Variants in DLGAP1 observed in about 807,000 individuals in gnomAD.
The protein encoded by DLGAP1 is disks large-associated protein 1.
DLGAP1 carries 11 observed loss-of-function variants against 90.8 expected under a neutral mutation model. The observed-to-expected ratio is 0.12, with a 90% CI of 0.08 to 0.20. The LOEUF is 0.20. Among genes scored for constraint, DLGAP1 ranks in the 10% least tolerant of loss-of-function variants. The pLI is 1.00. For missense variants in DLGAP1, 1,050 were observed against 1,333.8 expected, an observed-to-expected ratio of 0.79 and a Z score of 3.31; for synonymous variants, 558 against 540.7, an observed-to-expected ratio of 1.03 and a Z score of -0.44.
chr18:3,840,710 C>T (rs899039836), intron 4 of DLGAP1, among the ~76,000 whole-genome samples: 9 of 152,228 alleles, frequency 5.9e-5, no homozygotes, highest in African/African-American at 2.2e-4. Context: ...CGAGTACTTA[C>T]TCTGTGCCAG....
At chr18:3,664,210 A>ACACC (rs1567923329) in intron 7 of DLGAP1, among the ~76,000 whole-genome samples, 4 of 130,586 alleles carry the variant, frequency 3.1e-5, no homozygotes, top group African/African-American at 1.3e-4. Context: ...ACACACACAC[A>ACACC]CACACACCCA....
intron 1 of DLGAP1, among the ~76,000 whole-genome samples, chr18:4,420,899 A>G (rs567798492): frequency 5.9e-5 from 9 of 152,280 alleles, no homozygotes; most frequent in African/African-American, 2.2e-4. Context: ...ATTATTGATA[A>G]GGTACCCTTA....
At chr18:4,441,688 C>T (rs2083539217) in intron 1 of DLGAP1, among the ~76,000 whole-genome samples, 1 of 152,288 alleles carries the variant, frequency 6.6e-6, no homozygotes, top group East Asian at 1.9e-4. Flanking sequence ...AGTGACACTT[C>T]AAGAATTTCC....
intron 2 of DLGAP1, among the ~76,000 whole-genome samples, chr18:4,067,399 T>C (rs2075385519): frequency 6.6e-6 from 1 of 151,612 alleles, no homozygotes; most frequent in Non-Finnish European, 1.5e-5. Flanking sequence ...GAAGGAAAAG[T>C]AGTTAAAGCC....
rs562228142 is a variant in DLGAP1, at chr18:3,502,730, A to G, written c.2572-85T>C. 3.4e-6 allele frequency: 5 copies of G among 1,474,388 alleles called. No individual in the cohort carries two copies. The African/African-American group carries it at 4.2e-5, about 12-fold the overall frequency. The allele number at this position is 1,474,388 out of a possible 1,614,324, so 91.3% of individuals were successfully genotyped here. ...CAAAAAGGCATTTTCAAATATTTCAAACAACATAAGGAGGACTAGTTCCTT... is the reference window on the plus strand; with the variant it reads ...CAAAAAGGCATTTTCAAATATTTCAGACAACATAAGGAGGACTAGTTCCTT... On this transcript the variant is annotated intron_variant, in intron 11 of 12. Transcript: ENST00000315677.
chr18:3,654,411 T>C (rs1189077235), intron 7 of DLGAP1, among the ~76,000 whole-genome samples: 5 of 152,232 alleles, frequency 3.3e-5, no homozygotes, highest in African/African-American at 1.2e-4. Context: ...TTAAAATTAC[T>C]TAATGCTCTC....
chr18:3,994,726 G>A (rs12457597), intron 3 of DLGAP1, among the ~76,000 whole-genome samples: 38,558 of 152,088 alleles, frequency 0.25, 5,881 homozygotes, highest in Non-Finnish European at 0.34. Context: ...AAAATGACCA[G>A]AACCACCTGC....
At chr18:3,779,367 T>C (rs2065083967) in intron 5 of DLGAP1, among the ~76,000 whole-genome samples, 1 of 152,042 alleles carries the variant, frequency 6.6e-6, no homozygotes, top group South Asian at 2.1e-4. Flanking sequence ...TGAGCCGCCA[T>C]GTCTGGCCCA....
intron 3 of DLGAP1, chr18:3,977,756 C>T: frequency 2.8e-6 from 1 of 356,914 alleles, no homozygotes; most frequent in Admixed American, 3.5e-5. Context: ...GCAATGCCCA[C>T]CCCAGCTTTG....
chr18:3,739,489 A>C (rs1433933629), intron 6 of DLGAP1, among the ~76,000 whole-genome samples: 1 of 146,078 alleles, frequency 6.8e-6, no homozygotes, highest in East Asian at 2.1e-4. Flanking sequence ...ACATGGATGA[A>C]ATTGAAAATC....
chr18:4,439,970 A>C (rs887527118), intron 1 of DLGAP1, among the ~76,000 whole-genome samples: 1 of 151,382 alleles, frequency 6.6e-6, no homozygotes, highest in African/African-American at 2.4e-5. Context: ...AATACAAAAA[A>C]TTAGCCAGGC....
intron 7 of DLGAP1, among the ~76,000 whole-genome samples, chr18:3,583,825 G>T (rs1367965590): frequency 6.6e-6 from 1 of 152,216 alleles, no homozygotes; most frequent in Non-Finnish European, 1.5e-5. Flanking sequence ...GTGCATGCCT[G>T]TAATCCCAGC....
chr18:3,843,377 A>G (rs1353973316), intron 4 of DLGAP1, among the ~76,000 whole-genome samples: 1 of 152,216 alleles, frequency 6.6e-6, no homozygotes, highest in African/African-American at 2.4e-5. Flanking sequence ...TTTATGTAGC[A>G]ATTGCGGATA....
At chr18:4,205,951 G>C (rs1328654337) in intron 1 of DLGAP1, among the ~76,000 whole-genome samples, 1 of 152,126 alleles carries the variant, frequency 6.6e-6, no homozygotes, top group East Asian at 1.9e-4. Context: ...GAAGGAAACT[G>C]TTTAGCGATT....
At chr18:3,657,603 C>CTTT (rs1156440850) in intron 7 of DLGAP1, among the ~76,000 whole-genome samples, 3 of 134,354 alleles carry the variant, frequency 2.2e-5, no homozygotes, top group East Asian at 2.1e-4. Flanking sequence ...CCATGGAATT[C>CTTT]TTTTTTTTTT....
At chr18:3,781,026 T>G (rs2065167751) in intron 5 of DLGAP1, among the ~76,000 whole-genome samples, 1 of 152,090 alleles carries the variant, frequency 6.6e-6, no homozygotes, top group African/African-American at 2.4e-5. Context: ...GTCGGTCTTG[T>G]TATGTTTCCC....
chr18:3,935,179 A>G (rs1039082994), intron 3 of DLGAP1, among the ~76,000 whole-genome samples: 1 of 152,230 alleles, frequency 6.6e-6, no homozygotes, highest in East Asian at 1.9e-4. Flanking sequence ...GGCCTTCACC[A>G]TAACCTTGTG....
chr18:4,021,961 C>A (rs1168214820), intron 2 of DLGAP1, among the ~76,000 whole-genome samples: 1 of 152,172 alleles, frequency 6.6e-6, no homozygotes, highest in Non-Finnish European at 1.5e-5. Flanking sequence ...TGAATGAGTT[C>A]TGTCCTCAAC....
At chr18:3,535,072 C>CTGTGTGTGTGTGTG (rs111975324) in intron 9 of DLGAP1, among the ~76,000 whole-genome samples, 1 of 144,642 alleles carries the variant, frequency 6.9e-6, no homozygotes, top group Non-Finnish European at 1.5e-5. Context: ...TCAATCTTCT[C>CTGTGTGTGTGTGTG]TGTGTGTGTG....
Sources: gnomAD v4.1 joint callset for allele counts (sites outside exome capture counted in the v4.1 genomes callset) on GRCh38, gnomAD v4.1.1 for gene constraint, MANE v1.5 for transcripts, NCBI Gene and HGNC (gene_info 2026-07-23, HGNC 2026-07-21) for gene names.